Variants in ZNF407 observed in about 807,000 individuals in gnomAD.
ZNF407 encodes the protein zinc finger protein 407.
In ZNF407, 17 loss-of-function variants were observed where a neutral mutation model predicts 131.2. That is an observed-to-expected ratio of 0.13 (90% CI 0.09 to 0.19). The LOEUF (loss-of-function observed/expected upper bound fraction) is 0.19. ZNF407 is among the 10% of genes least tolerant of loss of function. The pLI is 1.00. For missense variants in ZNF407, 2,681 were observed against 2,830.6 expected, an observed-to-expected ratio of 0.95 and a Z score of 1.20; for synonymous variants, 1,156 against 1,062.0, an observed-to-expected ratio of 1.09 and a Z score of -1.72.
At chr18:74,968,221 T>G (rs573019885) in intron 8 of ZNF407, among the ~76,000 whole-genome samples, 2 of 152,218 alleles carry the variant, frequency 1.3e-5, no homozygotes, top group African/African-American at 4.8e-5. Context: ...CCTATCCCAG[T>G]CTCATATTCA....
intron 8 of ZNF407, chr18:74,921,036 T>TA (rs1047357412): frequency 2.0e-6 from 2 of 976,270 alleles, no homozygotes; most frequent in Non-Finnish European, 2.5e-6. Flanking sequence ...TTTTTTTTCT[T>TA]AAAAAATGCT....
At chr18:74,718,864 A>T (rs1404295299) in intron 3 of ZNF407, among the ~76,000 whole-genome samples, 1 of 152,124 alleles carries the variant, frequency 6.6e-6, no homozygotes, top group African/African-American at 2.4e-5. Context: ...TCTGTATCTT[A>T]TCTTTATGCC....
At chr18:74,636,211 C>A (rs907870999) in intron 2 of ZNF407, among the ~76,000 whole-genome samples, 1 of 152,186 alleles carries the variant, frequency 6.6e-6, no homozygotes, top group African/African-American at 2.4e-5. Flanking sequence ...CAAAATTAGT[C>A]ACCACTTTCC....
chr18:74,751,721 G>A lies in ZNF407; in HGVS notation c.4803-29707G>A, dbSNP rs553953379. On this transcript the variant is annotated intron_variant, in intron 3 of 8. Coordinates refer to ENST00000299687, the MANE Select transcript of ZNF407 (RefSeq NM_017757.3). Reference sequence around the variant, plus strand: ...ATGAACTCATCCTTTTTATGGCCGCGTAGTATTCCATGGTATGTATGTGCC... The same window carrying A: ...ATGAACTCATCCTTTTTATGGCCGCATAGTATTCCATGGTATGTATGTGCC... Among the ~76,000 whole-genome samples, 32 of 152,180 alleles carry A rather than the reference G, an allele frequency of 2.1e-4. 1 individual carries two copies. The highest frequency in any genetic ancestry group is 6.2e-4 in the South Asian group (3 of 4,810).
In ZNF407 at chr18:74,786,793, GTTTTTT is replaced by G. The variant is rs869103622; in HGVS notation, c.4877+5314_4877+5319del. Among the ~76,000 whole-genome samples, 32 of 89,346 alleles carry G rather than the reference GTTTTTT, an allele frequency of 3.6e-4. 4 individuals carry two copies. The highest frequency in any genetic ancestry group is 1.1e-3 in the African/African-American group (24 of 22,384). The allele number at this position is 89,346 out of a possible 152,430, so 58.6% of individuals were successfully genotyped here. ...AATTGGTTTTAATGTAAAAAAGTAT[GTTTTTT>G]TTTTTTTTTTTTTTTTTTTTTTGGA... On this transcript the variant is annotated intron_variant, in intron 4 of 8. Transcript: ENST00000299687.
chr18:74,825,763 T>G (rs1199235139), intron 4 of ZNF407, among the ~76,000 whole-genome samples: 1 of 152,214 alleles, frequency 6.6e-6, no homozygotes, highest in Non-Finnish European at 1.5e-5. Context: ...TCATGCCTTC[T>G]TAGCATTAGC....
rs1049295681 is a variant in ZNF407 at position 75,063,910 on chromosome 18, A to C, written c.6189A>C (p.Ser2063=). 1 of 1,613,492 alleles carries C rather than the reference A, an allele frequency of 6.2e-7. No individual in the cohort carries two copies. The highest frequency in any genetic ancestry group is 1.3e-5 in the African/African-American group (1 of 74,874). ...VEVLTQVVHP[S]AAMASQERAQ... is the part of the protein sequence containing the mutation. Reference sequence around the variant, plus strand: ...TGCTCACCCAGGTGGTCCATCCCTCAGCAGCCATGGCCTCTCAGGAGCGGG... The same window carrying C: ...TGCTCACCCAGGTGGTCCATCCCTCCGCAGCCATGGCCTCTCAGGAGCGGG... Residue 2063 remains serine, a synonymous_variant, in exon 9 of 9, where the codon TCA becomes TCC. Coordinates refer to ENST00000299687, the MANE Select transcript of ZNF407 (RefSeq NM_017757.3). The surrounding 1 kb of genome is among the most constrained non-coding windows in gnomAD (Gnocchi z 6.6).
rs1395612745 is a variant in ZNF407, at chr18:75,016,677, TGTGA to T, written c.5429-46470_5429-46467del. 3.3e-5 allele frequency among the ~76,000 whole-genome samples: 5 copies of T among 152,196 alleles called. No individual in the cohort carries two copies. In the East Asian group the frequency reaches 9.6e-4, roughly 29 times the overall value. ...AAGTTTCAACTGAATGTGTTATCAT[TGTGA>T]GTAATTTTAATAGTGAACTTTCTCT... On this transcript the variant is annotated intron_variant, in intron 8 of 8. Coordinates refer to ENST00000299687, the MANE Select transcript of ZNF407 (RefSeq NM_017757.3).
chr18:74,965,562 G>T (rs1972400184), intron 8 of ZNF407, among the ~76,000 whole-genome samples: 1 of 152,112 alleles, frequency 6.6e-6, no homozygotes. Flanking sequence ...TTTGTCATCT[G>T]TTGATGGACA....
At chr18:74,804,127 A>G in intron 4 of ZNF407, 1 of 1,506,252 alleles carries the variant, frequency 6.6e-7, no homozygotes, top group Non-Finnish European at 8.9e-7. Flanking sequence ...GAAGTTAGAC[A>G]TATTTCATTG....
intron 4 of ZNF407, among the ~76,000 whole-genome samples, chr18:74,875,270 G>A (rs1486052885): frequency 6.6e-6 from 1 of 152,158 alleles, no homozygotes; most frequent in South Asian, 2.1e-4. Flanking sequence ...TGAAAGTCAA[G>A]TGGTGGTCTT....
chr18:74,868,471 A>G (rs112115851), intron 4 of ZNF407, among the ~76,000 whole-genome samples: 175 of 152,342 alleles, frequency 1.1e-3, no homozygotes, highest in African/African-American at 4.0e-3. Context: ...AAAGAACGAA[A>G]AACAAAGAAG....
chr18:74,787,368 A>G (rs1341251794), intron 4 of ZNF407, among the ~76,000 whole-genome samples: 1 of 152,200 alleles, frequency 6.6e-6, no homozygotes, highest in Non-Finnish European at 1.5e-5. Flanking sequence ...GGTAATGTAG[A>G]TGATCTGTGG....
chr18:74,884,999 A>T (rs1265658662), intron 6 of ZNF407, among the ~76,000 whole-genome samples: 1 of 152,198 alleles, frequency 6.6e-6, no homozygotes, highest in Non-Finnish European at 1.5e-5. Flanking sequence ...TTTAATGCCA[A>T]AACATTTTGT....
chr18:74,686,123 CA>C (rs1268672574), intron 3 of ZNF407, among the ~76,000 whole-genome samples: 1 of 152,170 alleles, frequency 6.6e-6, no homozygotes. Flanking sequence ...GTGCGAGTGC[CA>C]TTGATCTTCC....
intron 6 of ZNF407, among the ~76,000 whole-genome samples, chr18:74,885,252 T>C (rs1030601312): frequency 6.6e-6 from 1 of 152,126 alleles, no homozygotes; most frequent in Non-Finnish European, 1.5e-5. Context: ...CATCTGTTTG[T>C]CAATTGTTTT....
At position 74,983,502 on chromosome 18, in the gene ZNF407, G is replaced by A. The variant is rs535150033; in HGVS notation, c.5428+62810G>A. Among the ~76,000 whole-genome samples, 231 of 145,452 alleles carry A rather than the reference G, an allele frequency of 1.6e-3. 1 individual carries two copies. Among genetic ancestry groups the A allele is most frequent in the African/African-American group, 5.5e-3 (212 of 38,528 alleles). On this transcript the variant is annotated intron_variant, in intron 8 of 8. Transcript: ENST00000299687. ...TTCTGTTTGTTTGCTCAGTTCCTAA[G>A]GCCCTAGCACATAATTAGTGGCTAG...
chr18:75,037,745 C>A (rs12327123), intron 8 of ZNF407, among the ~76,000 whole-genome samples: 25,245 of 152,074 alleles, frequency 0.17, 2,330 homozygotes, highest in African/African-American at 0.25. Flanking sequence ...TGAAAGACTG[C>A]GATCTGTGCC....
chr18:74,641,179 C>A, intron 3 of ZNF407, 57 bp downstream of exon 3: 1 of 1,412,182 alleles, frequency 7.1e-7, no homozygotes, highest in South Asian at 1.2e-5. Context: ...GCAGGATAGC[C>A]ATTGTTTCGG....
Sources: allele counts gnomAD v4.1 joint callset (sites outside exome capture counted in the v4.1 genomes callset), GRCh38; gene constraint gnomAD v4.1.1; non-coding constraint Gnocchi (gnomAD v3.1); transcripts MANE v1.5; gene names NCBI Gene and HGNC (gene_info 2026-07-23, HGNC 2026-07-21).